Variants in CWC27 observed in about 807,000 individuals in gnomAD.
The protein encoded by CWC27 is spliceosome-associated protein CWC27 homolog.
CWC27 carries 47 observed loss-of-function variants against 63.6 expected under a neutral mutation model. The observed-to-expected ratio is 0.74, with a 90% CI of 0.58 to 0.94. CWC27 has a LOEUF of 0.94. CWC27 is among the 40% of genes least tolerant of loss of function. The pLI is 0.00. For missense variants in CWC27, 495 were observed against 554.3 expected (o/e 0.89, Z 1.07); for synonymous variants, 175 against 179.8 (o/e 0.97, Z 0.22).
chr5:64,977,264 A>G, intron 13 of CWC27, 26 bp downstream of exon 13: 1 of 1,455,346 alleles, frequency 6.9e-7, no homozygotes, highest in South Asian at 1.2e-5. Context: ...TCTGTATATT[A>G]ACCATGAACA....
In CWC27 at chr5:65,004,861, CATAT is replaced by C. The variant is rs1170127729; in HGVS notation, c.1257-13256_1257-13253del. Among the ~76,000 whole-genome samples, 253 of 45,428 alleles carry C rather than the reference CATAT, an allele frequency of 5.6e-3. 3 individuals carry two copies. Among genetic ancestry groups the C allele is most frequent in the South Asian group, 0.011 (7 of 638 alleles). The allele number at this position is 45,428 out of a possible 152,430, so 29.8% of individuals were successfully genotyped here. ...TGGCCTTCAGAGGGAAAGACTTTTT[CATAT>C]ATATATATATATATATATATATATA... On this transcript the variant is annotated intron_variant, in intron 13 of 13. Transcript: ENST00000381070.
intron 10 of CWC27, among the ~76,000 whole-genome samples, chr5:64,876,948 C>A (rs989926503): frequency 1.3e-5 from 2 of 151,838 alleles, no homozygotes; most frequent in African/African-American, 4.8e-5. Flanking sequence ...AACGAATGAT[C>A]TTATAAAAAT....
intron 10 of CWC27, among the ~76,000 whole-genome samples, chr5:64,872,117 A>T (rs918469291): frequency 6.6e-6 from 1 of 152,134 alleles, no homozygotes; most frequent in Non-Finnish European, 1.5e-5. Flanking sequence ...GAGAGTTCAG[A>T]AAAGTCTTTG....
intron 10 of CWC27, among the ~76,000 whole-genome samples, chr5:64,877,144 C>T (rs1746812670): frequency 6.6e-6 from 1 of 151,920 alleles, no homozygotes; most frequent in African/African-American, 2.4e-5. Context: ...TCACAATAGC[C>T]AAGATGTGGA....
intron 10 of CWC27, among the ~76,000 whole-genome samples, chr5:64,876,124 A>T (rs1000852411): frequency 6.6e-5 from 10 of 152,134 alleles, no homozygotes; most frequent in African/African-American, 2.4e-4. Flanking sequence ...GCATGATATA[A>T]GTATACATTT....
At chr5:64,890,919 G>A (rs570362261) in intron 11 of CWC27, among the ~76,000 whole-genome samples, 5 of 152,196 alleles carry the variant, frequency 3.3e-5, no homozygotes, top group Admixed American at 6.5e-5. Context: ...GTATTTTATT[G>A]GGCTAACAAC....
chr5:64,820,696 A>G (rs1745173232), intron 10 of CWC27, among the ~76,000 whole-genome samples: 1 of 152,202 alleles, frequency 6.6e-6, no homozygotes, highest in East Asian at 1.9e-4. Flanking sequence ...AGTCCTTTCA[A>G]CAAATGGTAC....
intron 13 of CWC27, among the ~76,000 whole-genome samples, chr5:65,005,173 A>C (rs1283318720): frequency 1.3e-5 from 2 of 150,858 alleles, no homozygotes; most frequent in Non-Finnish European, 3.0e-5. Flanking sequence ...TCAAGTTCCT[A>C]GCTGGCATGC....
chr5:64,916,136 G>A (rs913628319), intron 11 of CWC27, among the ~76,000 whole-genome samples: 3 of 152,056 alleles, frequency 2.0e-5, no homozygotes, highest in Non-Finnish European at 4.4e-5. Context: ...AGATTTTCCC[G>A]TTCAACAATG....
At chr5:64,833,588 ATTG>A (rs1745585183) in intron 10 of CWC27, among the ~76,000 whole-genome samples, 2 of 151,722 alleles carry the variant, frequency 1.3e-5, no homozygotes, top group African/African-American at 2.4e-5. Flanking sequence ...AACCACTTGT[ATTG>A]TTCTATGTAG....
At chr5:64,860,691 CTG>C (rs766409112) in intron 10 of CWC27, among the ~76,000 whole-genome samples, 1 of 152,096 alleles carries the variant, frequency 6.6e-6, no homozygotes, top group Non-Finnish European at 1.5e-5. Flanking sequence ...GCATATATAA[CTG>C]TGTTTTAAAG....
intron 11 of CWC27, among the ~76,000 whole-genome samples, chr5:64,935,813 A>C (rs1303353929): frequency 6.6e-6 from 1 of 152,132 alleles, no homozygotes; most frequent in African/African-American, 2.4e-5. Flanking sequence ...GAGGTCCTTC[A>C]CATCCCTTGT....
chr5:64,952,353 A>T (rs1748725022), intron 11 of CWC27, among the ~76,000 whole-genome samples: 1 of 152,054 alleles, frequency 6.6e-6, no homozygotes, highest in African/African-American at 2.4e-5. Context: ...ATACAGTAAA[A>T]TATAAATAGC....
intron 11 of CWC27, among the ~76,000 whole-genome samples, chr5:64,964,239 C>T (rs964512784): frequency 4.6e-5 from 7 of 152,112 alleles, no homozygotes; most frequent in Non-Finnish European, 8.8e-5. Context: ...ACACCTTCAG[C>T]CATATCTTGG....
chr5:65,010,217 A>T (rs962884728), intron 13 of CWC27, among the ~76,000 whole-genome samples: 5 of 152,188 alleles, frequency 3.3e-5, no homozygotes, highest in Non-Finnish European at 7.3e-5. Flanking sequence ...AAACAGGGAC[A>T]TACACCAGTG....
intron 10 of CWC27, among the ~76,000 whole-genome samples, chr5:64,814,622 C>T (rs1744975733): frequency 6.6e-6 from 1 of 152,136 alleles, no homozygotes; most frequent in African/African-American, 2.4e-5. Context: ...TAGAAAGCAG[C>T]GACACCAGTA....
intron 11 of CWC27, among the ~76,000 whole-genome samples, chr5:64,932,435 C>G (rs1335608424): frequency 6.6e-6 from 1 of 151,852 alleles, no homozygotes; most frequent in Non-Finnish European, 1.5e-5. Flanking sequence ...GTTTACAGAC[C>G]TCTAAAATCT....
At chr5:64,878,366 T>A (rs1334242465) in intron 10 of CWC27, among the ~76,000 whole-genome samples, 1 of 150,506 alleles carries the variant, frequency 6.6e-6, no homozygotes, top group East Asian at 1.9e-4. Context: ...TTCTTTAAAT[T>A]GCTAATGTAA....
chr5:64,916,772 C>A (rs571778112), intron 11 of CWC27, among the ~76,000 whole-genome samples: 2 of 152,182 alleles, frequency 1.3e-5, no homozygotes, highest in East Asian at 3.9e-4. Flanking sequence ...CCTCTCTTAG[C>A]CTCACTTTCT....
Sources: gnomAD v4.1 joint callset for allele counts (sites outside exome capture counted in the v4.1 genomes callset) on GRCh38, gnomAD v4.1.1 for gene constraint, MANE v1.5 for transcripts, NCBI Gene and HGNC (gene_info 2026-07-23, HGNC 2026-07-21) for gene names.